The following MID2 variants were observed in gnomAD, a reference collection of about 807,000 sequenced individuals.
MID2 encodes the protein probable E3 ubiquitin-protein ligase MID2.
A neutral mutation model predicts 46.1 loss-of-function variants in MID2; 13 were observed. The observed-to-expected ratio is 0.28, with a 90% CI of 0.18 to 0.45. The LOEUF is 0.45. Ranked by LOEUF, MID2 falls within the 20% of genes least tolerant of loss-of-function variation. The pLI is 1.00. For missense variants in MID2, 431 were observed against 575.4 expected (o/e 0.75, Z 2.57); for synonymous variants, 199 against 212.3 (o/e 0.94, Z 0.55).
At chrX:107,901,196 G>A (rs367636622) in intron 3 of MID2, 8 of 111,953 alleles carry the variant, frequency 7.1e-5, no homozygotes, top group Middle Eastern at 9.4e-3. Context: ...AAAGAAACCT[G>A]TAACTATTTG....
At chrX:107,830,747 A>G (rs1931072950) in intron 1 of MID2, among the ~76,000 whole-genome samples, 1 of 112,112 alleles carries the variant, frequency 8.9e-6, no homozygotes, top group East Asian at 2.8e-4. Context: ...TGAGAAGACC[A>G]GATGAGTGGT....
chrX:107,900,045 C>T (rs1401226333), intron 3 of MID2, among the ~76,000 whole-genome samples: 1 of 111,518 alleles, frequency 9.0e-6, no homozygotes, highest in Non-Finnish European at 1.9e-5. Flanking sequence ...CACTTAAGGA[C>T]CCTGCTCTTC....
In MID2 at chrX:107,930,304, A is replaced by G. The variant is rs886280541; in HGVS notation, c.*3231A>G. Reference sequence around the variant, plus strand: ...TTGAGCTGTATTAATTCTATTTTGCAGAGATATCAAGGCTCCTACATAATA... The same window carrying G: ...TTGAGCTGTATTAATTCTATTTTGCGGAGATATCAAGGCTCCTACATAATA... On this transcript the variant is annotated 3_prime_UTR_variant, in exon 10 of 10. Transcript: ENST00000262843. Among the ~76,000 whole-genome samples the G allele has an allele frequency of 8.9e-6, 1 of 111,987 alleles. No homozygotes were observed. The highest frequency in any genetic ancestry group is 9.5e-5 in the Admixed American group (1 of 10,568).
rs758618963 is a variant in MID2, at chrX:107,929,757, CTCTA to C, written c.*2688_*2691del. ...TCTATCCTGGACTACCTTTCCTCAC[CTCTA>C]TCTCTCTCAACCAGACTAACTCTTT... is the stretch of plus-strand genomic sequence containing the variant. On this transcript the variant is annotated 3_prime_UTR_variant, in exon 10 of 10. Transcript: ENST00000262843. Among the ~76,000 whole-genome samples the C allele has an allele frequency of 6.0e-4, 67 of 111,141 alleles. 1 individual carries two copies. Among genetic ancestry groups the C allele is most frequent in the African/African-American group, 2.1e-3 (63 of 30,580 alleles).
intron 3 of MID2, among the ~76,000 whole-genome samples, chrX:107,868,727 C>A (rs772294528): frequency 1.8e-5 from 2 of 110,819 alleles, no homozygotes; most frequent in East Asian, 5.6e-4. Flanking sequence ...TGGTAGAGAT[C>A]GCTGCTGTGG....
chrX:107,846,178 T>C (rs777256333), intron 2 of MID2, among the ~76,000 whole-genome samples: 2 of 111,220 alleles, frequency 1.8e-5, no homozygotes, highest in Non-Finnish European at 3.8e-5. Flanking sequence ...ATCCTGAGGC[T>C]AAGGATCAAT....
At chrX:107,859,178 C>T (rs769920886) in intron 3 of MID2, among the ~76,000 whole-genome samples, 18 of 111,578 alleles carry the variant, frequency 1.6e-4, no homozygotes, top group Admixed American at 1.5e-3. Flanking sequence ...TGTCTGGCTG[C>T]TTCTCCAAGC....
intron 3 of MID2, among the ~76,000 whole-genome samples, chrX:107,874,603 GC>G (rs1215595416): frequency 1.8e-5 from 2 of 112,569 alleles, no homozygotes; most frequent in Non-Finnish European, 3.8e-5. Flanking sequence ...AAGGGCTGGT[GC>G]CTTAAGCAAG....
chrX:107,840,103 G>T (rs2147825190), intron 1 of MID2, among the ~76,000 whole-genome samples: 2 of 112,430 alleles, frequency 1.8e-5, no homozygotes, highest in South Asian at 7.4e-4. Context: ...CACACTCTGA[G>T]GAAAAACTTA....
chrX:107,907,119 G>A (rs1267619929), intron 5 of MID2, among the ~76,000 whole-genome samples: 1 of 111,817 alleles, frequency 8.9e-6, no homozygotes, highest in Non-Finnish European at 1.9e-5. Flanking sequence ...TCCTGAATCA[G>A]TCCCACTTTT....
chrX:107,828,306 T>C (rs1362007693), intron 1 of MID2, among the ~76,000 whole-genome samples: 2 of 92,132 alleles, frequency 2.2e-5, no homozygotes, highest in African/African-American at 1.1e-4. Context: ...TCTTTCTTTC[T>C]TTTCTTTTTT....
intron 3 of MID2, among the ~76,000 whole-genome samples, chrX:107,858,315 A>C (rs1931787876): frequency 1.8e-5 from 2 of 111,816 alleles, no homozygotes; most frequent in Admixed American, 1.9e-4. Context: ...TATGATAACC[A>C]CTTGATCTCT....
chrX:107,892,746 C>A (rs1300108728), intron 3 of MID2, among the ~76,000 whole-genome samples: 2 of 111,821 alleles, frequency 1.8e-5, no homozygotes, highest in Non-Finnish European at 3.8e-5. Flanking sequence ...CTCTAGCTAA[C>A]TCTCATTCAT....
Position 107,891,740 on chromosome X carries a change from C to T in MID2, c.817-12218C>T, listed in dbSNP as rs1371003213. 5.4e-5 allele frequency among the ~76,000 whole-genome samples: 6 copies of T among 111,997 alleles called. No homozygotes were observed. In the East Asian group the frequency reaches 1.7e-3, roughly 32 times the overall value. ...GCGTTGGTTATTATTCTGAGGCTTC[C>T]CTTCCCTCTGATGCTTACAAACAGA... On this transcript the variant is annotated intron_variant, in intron 3 of 9. Transcript: ENST00000262843.
intron 6 of MID2, among the ~76,000 whole-genome samples, chrX:107,917,222 T>A (rs1014689710): frequency 8.9e-6 from 1 of 111,948 alleles, no homozygotes; most frequent in Non-Finnish European, 1.9e-5. Context: ...CACTTTAATG[T>A]CTACATAAGT....
intron 3 of MID2, among the ~76,000 whole-genome samples, chrX:107,887,385 C>G (rs150718851): frequency 0.023 from 2,543 of 111,700 alleles, 73 homozygotes; most frequent in African/African-American, 0.078. Context: ...AGATAATCAT[C>G]TGGTTTTTGT....
rs1291702377 is a variant in MID2, at chrX:107,855,165, A to T, written c.816+461A>T. 2.7e-5 allele frequency among the ~76,000 whole-genome samples: 3 copies of T among 110,889 alleles called. No homozygotes were observed. In the Admixed American group the frequency reaches 2.9e-4, roughly 11 times the overall value. ...CTCTTTCGAGCCTCTCCCCCTCTTC[A>T]TCCCCTGCCCATGGTCCTATCTATA... On this transcript the variant is annotated intron_variant, in intron 3 of 9. Transcript: ENST00000262843.
intron 5 of MID2, among the ~76,000 whole-genome samples, chrX:107,913,032 G>C (rs1932914207): frequency 9.0e-6 from 1 of 110,548 alleles, no homozygotes; most frequent in African/African-American, 3.3e-5. Flanking sequence ...GTTGTGTTTT[G>C]CTTAAATAAA....
chrX:107,886,042 A>T (rs1932444161), intron 3 of MID2, among the ~76,000 whole-genome samples: 1 of 111,539 alleles, frequency 9.0e-6, no homozygotes, highest in South Asian at 3.7e-4. Flanking sequence ...AGATGAGTAG[A>T]TTGGAAAAAT....
Sources: gnomAD v4.1 joint callset for allele counts (sites outside exome capture counted in the v4.1 genomes callset) on GRCh38, gnomAD v4.1.1 for gene constraint, MANE v1.5 for transcripts, NCBI Gene and HGNC (gene_info 2026-07-23, HGNC 2026-07-21) for gene names.